Variants in SMARCA2 observed in about 807,000 individuals in gnomAD.
SMARCA2 encodes SWI/SNF-related matrix-associated actin-dependent regulator of chromatin subfamily A member 2.
SMARCA2 carries 61 observed loss-of-function variants against 199.8 expected under a neutral mutation model. The ratio of observed to expected loss-of-function variants is 0.31; its 90% CI spans 0.25 to 0.38. The LOEUF (loss-of-function observed/expected upper bound fraction) is 0.38, where lower values mean the gene tolerates loss of function less well. Ranked by LOEUF, SMARCA2 falls within the 10% of genes least tolerant of loss-of-function variation. The probability of loss-of-function intolerance (pLI) is 1.00; values close to 1 mark genes in which losing one functional copy is unlikely to be tolerated. For synonymous variants in SMARCA2, 935 were observed against 732.0 expected (o/e 1.28, Z -4.48); for missense variants, 1,344 against 2,012.2 (o/e 0.67, Z 6.35).
intron 27 of SMARCA2, chr9:2,158,119 T>C (rs565220330): frequency 3.3e-6 from 1 of 307,314 alleles, no homozygotes; most frequent in East Asian, 5.0e-5. Context: ...AAACATTTTC[T>C]TTTAAGCAAA....
intron 22 of SMARCA2, 31 bp downstream of exon 22, chr9:2,101,647 A>G (rs1255596166): frequency 1.6e-6 from 2 of 1,249,700 alleles, no homozygotes; most frequent in South Asian, 1.3e-5. Flanking sequence ...TCTTTTAAAA[A>G]AAAATGTTGT....
At chr9:2,096,550 A>T in intron 19 of SMARCA2, 107 bp from the exon 20 acceptor site, 1 of 719,266 alleles carries the variant, frequency 1.4e-6, no homozygotes, top group Non-Finnish European at 2.5e-6. Context: ...AGAAAGAGAA[A>T]GAGAGACACC....
intron 29 of SMARCA2, among the ~76,000 whole-genome samples, chr9:2,180,988 T>A (rs931722632): frequency 6.6e-6 from 1 of 152,056 alleles, no homozygotes; most frequent in South Asian, 2.1e-4. Context: ...CAAGTAATAA[T>A]AAAGGTATGT....
rs1820444971 is a variant in SMARCA2 at position 2,058,337 on chromosome 9, A to G, written c.1394A>G (p.Tyr465Cys). ...CAACATGCAAAAGATTTTAAGGAAT[A>G]TCATCGGTCTGTGGCCGGAAAGATC... ...ILQHAKDFKE[Y>C]HRSVAGKIQK... Residue 465 changes from tyrosine to cysteine, a missense_variant, in exon 8 of 34, where the codon TAT becomes TGT. By Grantham distance (194) the Tyr-to-Cys change is radical. Coordinates refer to ENST00000349721, the MANE Select transcript of SMARCA2 (RefSeq NM_003070.5). 5 of 1,614,254 alleles carry G rather than the reference A, an allele frequency of 3.1e-6. No homozygotes were observed. Among genetic ancestry groups the G allele is most frequent in the Non-Finnish European group, 4.2e-6 (5 of 1,180,044 alleles).
At chr9:2,019,932 C>G (rs143362737) in intron 1 of SMARCA2, among the ~76,000 whole-genome samples, 205 of 151,928 alleles carry the variant, frequency 1.3e-3, no homozygotes, top group African/African-American at 4.4e-3. Flanking sequence ...TTTATGACAT[C>G]TTGACATGGT....
At chr9:2,035,604 A>G (rs555804985) in intron 3 of SMARCA2, among the ~76,000 whole-genome samples, 13 of 152,218 alleles carry the variant, frequency 8.5e-5, no homozygotes, top group Non-Finnish European at 1.9e-4. Context: ...ACTTAGGATG[A>G]TATCTAGCTA....
intron 9 of SMARCA2, among the ~76,000 whole-genome samples, chr9:2,065,736 T>C (rs1290831744): frequency 6.6e-6 from 1 of 152,228 alleles, no homozygotes; most frequent in Non-Finnish European, 1.5e-5. Flanking sequence ...CCAAAGATTA[T>C]ATACTTTATT....
chr9:2,115,169 G>A lies in SMARCA2; in HGVS notation c.3457-653G>A, dbSNP rs1004168978. 5.3e-5 allele frequency among the ~76,000 whole-genome samples: 8 copies of A among 151,964 alleles called. No homozygotes were observed. Among genetic ancestry groups the A allele is most frequent in the South Asian group, 2.1e-4 (1 of 4,828 alleles). ...ATTTCCGAAGTAATATTTCTAAGTC[G>A]GAGACATAGACAGTTTTAACACTTC... is the stretch of plus-strand genomic sequence containing the variant. On this transcript the variant is annotated intron_variant, in intron 24 of 33. Coordinates refer to ENST00000349721, the MANE Select transcript of SMARCA2 (RefSeq NM_003070.5). The surrounding 1 kb of genome is among the most constrained non-coding windows in gnomAD (Gnocchi z 6.0).
Position 2,083,340 on chromosome 9 carries a change from TCCA to T in SMARCA2, c.2349-6_2349-4del. 2 of 1,542,028 alleles carry T rather than the reference TCCA, an allele frequency of 1.3e-6. No homozygotes were observed. Among genetic ancestry groups the T allele is most frequent in the Non-Finnish European group, 1.8e-6 (2 of 1,141,824 alleles). On this transcript the variant is annotated splice_region_variant and splice_polypyrimidine_tract_variant and intron_variant, in intron 15 of 33. Transcript: ENST00000349721. The stretch of plus-strand genomic sequence containing the variant: ...TTTTTCTGTTGTTTTTTTTTTTTGT[TCCA>T]TAGGACTCTATCTAACTGGACATAT...
At position 2,083,365 on chromosome 9, in the gene SMARCA2, A is replaced by G; in HGVS notation, c.2367A>G (p.Thr789=). ...TCCATAGGACTCTATCTAACTGGAC[A>G]TATGAATTTGACAAATGGGCTCCTT... The part of the protein sequence containing the change: ...IVPLSTLSNW[T]YEFDKWAPSV... The change falls in exon 16 of 34, where the codon ACA becomes ACG. Residue 789 remains threonine (T), a synonymous_variant. Coordinates refer to ENST00000349721, the MANE Select transcript of SMARCA2 (RefSeq NM_003070.5). 1 of 1,602,810 alleles carries G rather than the reference A, an allele frequency of 6.2e-7. No homozygotes were observed. Among genetic ancestry groups the G allele is most frequent in the African/African-American group, 1.3e-5 (1 of 74,502 alleles).
chr9:2,186,297 T>G, intron 32 of SMARCA2, 69 bp downstream of exon 32: 2 of 1,497,824 alleles, frequency 1.3e-6, no homozygotes, highest in South Asian at 1.2e-5. Context: ...TCCACAGATG[T>G]TCACAGAAGA....
chr9:2,134,604 G>C (rs971929706), intron 27 of SMARCA2, among the ~76,000 whole-genome samples: 1 of 152,178 alleles, frequency 6.6e-6, no homozygotes, highest in Non-Finnish European at 1.5e-5. Flanking sequence ...TGTGAGTTCT[G>C]ACGCTGCTAC....
intron 32 of SMARCA2, among the ~76,000 whole-genome samples, chr9:2,187,644 T>G (rs1373672095): frequency 1.3e-5 from 2 of 151,964 alleles, no homozygotes; most frequent in Non-Finnish European, 2.9e-5. Flanking sequence ...ACCGCTGCCC[T>G]CCAGCCTGGG....
intron 27 of SMARCA2, among the ~76,000 whole-genome samples, chr9:2,138,817 C>G (rs568257161): frequency 1.2e-4 from 18 of 152,272 alleles, no homozygotes; most frequent in Non-Finnish European, 2.4e-4. Context: ...TTTGGCGGCC[C>G]TAGAAAGAAC....
At position 2,016,597 on chromosome 9, in the gene SMARCA2, C is replaced by G. The variant is rs753928380; in HGVS notation, c.-37+1193C>G. 1.2e-4 allele frequency among the ~76,000 whole-genome samples: 18 copies of G among 147,420 alleles called. No homozygotes were observed. The highest frequency in any genetic ancestry group is 2.5e-4 in the Non-Finnish European group (17 of 66,856). On this transcript the variant is annotated intron_variant, in intron 1 of 33. Coordinates refer to ENST00000349721, the MANE Select transcript of SMARCA2 (RefSeq NM_003070.5). This position sits in a 1 kb window ranked among gnomAD's most constrained non-coding sequence, Gnocchi z 5.6. ...GATAATCCTGTCTGCCTGACTGTCA[C>G]AAACAGGACCCGCGCACCACCGGGC...
Position 2,186,088 on chromosome 9 carries a change from C to G in SMARCA2, c.4462-8C>G, listed in dbSNP as rs1827431627. On this transcript the variant is annotated splice_region_variant and splice_polypyrimidine_tract_variant and intron_variant, in intron 31 of 33. Coordinates refer to ENST00000349721, the MANE Select transcript of SMARCA2 (RefSeq NM_003070.5). Reference sequence around the variant, plus strand: ...GCAGTTTTAACAGATGCCCCTTTGACCATTTAGATCTATGAAGACTCCATC... The same window carrying G: ...GCAGTTTTAACAGATGCCCCTTTGAGCATTTAGATCTATGAAGACTCCATC... The G allele has an allele frequency of 6.2e-7, 1 of 1,612,814 alleles. No individual in the cohort carries two copies. The highest frequency in any genetic ancestry group is 8.5e-7 in the Non-Finnish European group (1 of 1,179,248).
Position 2,119,687 on chromosome 9 carries a change from T to A in SMARCA2, c.3762+152T>A. ...TCAGAGGCTGCAAACTGGCTGGAGT[T>A]AGCCTGCAGACATATTTTGTTTGGC... On this transcript the variant is annotated intron_variant, in intron 26 of 33. Coordinates refer to ENST00000349721, the MANE Select transcript of SMARCA2 (RefSeq NM_003070.5). This position sits in a 1 kb window ranked among gnomAD's most constrained non-coding sequence, Gnocchi z 4.6. 1 of 585,334 alleles carries A rather than the reference T, an allele frequency of 1.7e-6. No individual in the cohort carries two copies. Among genetic ancestry groups the A allele is most frequent in the South Asian group, 2.2e-5 (1 of 44,816 alleles). 36.3% of individuals were successfully genotyped at this position (585,334 alleles called of 1,614,324 possible).
intron 1 of SMARCA2, chr9:2,027,693 C>G (rs1246801832): frequency 1.3e-5 from 2 of 152,168 alleles, no homozygotes; most frequent in African/African-American, 4.8e-5. Context: ...CCCCTCCAGC[C>G]CGCCATTCCA....
At chr9:2,101,495 C>A (rs1485947214) in intron 21 of SMARCA2, 75 bp from the exon 22 acceptor site, 2 of 743,954 alleles carry the variant, frequency 2.7e-6, no homozygotes, top group East Asian at 3.0e-5. Flanking sequence ...GGTAGGATAA[C>A]CTCACTAAAA....
Sources: allele counts gnomAD v4.1 joint callset (sites outside exome capture counted in the v4.1 genomes callset), GRCh38; gene constraint gnomAD v4.1.1; non-coding constraint Gnocchi (gnomAD v3.1); transcripts MANE v1.5; gene names NCBI Gene and HGNC (gene_info 2026-07-23, HGNC 2026-07-21).